Variants in AADAT observed in about 807,000 individuals in gnomAD.
The protein encoded by AADAT is aminoadipate aminotransferase, also known as kynurenine/alpha-aminoadipate aminotransferase, mitochondrial.
AADAT carries 25 observed loss-of-function variants against 56.2 expected under a neutral mutation model. The observed-to-expected ratio is 0.44, with a 90% confidence interval of 0.32 to 0.62. The LOEUF (loss-of-function observed/expected upper bound fraction) is 0.62. AADAT is among the 20% of genes least tolerant of loss of function. The pLI is 0.04. For missense variants in AADAT, 387 were observed against 510.5 expected (o/e 0.76, Z 2.33); for synonymous variants, 173 against 164.7 (o/e 1.05, Z -0.39).
intron 4 of AADAT, 141 bp downstream of exon 4, chr4:170,078,368 A>C: frequency 6.3e-6 from 3 of 474,990 alleles, no homozygotes; most frequent in East Asian, 3.7e-5. Context: ...AAAATATGCT[A>C]TTTCATTTTT....
intron 1 of AADAT, 69 bp downstream of exon 1, chr4:170,089,555 G>A (rs1732733487): frequency 6.3e-7 from 1 of 1,586,956 alleles, no homozygotes; most frequent in Admixed American, 1.7e-5. Context: ...GGCTTGCTAG[G>A]GAACCCTCCT....
rs1732600505 is a variant in AADAT, at chr4:170,087,120, C to T, written c.365G>A (p.Cys122Tyr). Residue 122 changes from cysteine to tyrosine, a missense_variant, in exon 3 of 13, where the codon TGT becomes TAT. By Grantham distance (194) the Cys-to-Tyr change is radical. Coordinates refer to ENST00000337664, the MANE Select transcript of AADAT (RefSeq NM_016228.4). The part of the protein sequence containing the change: ...CVTSGSQQGL[C>Y]KVFEMIINPG... ...GAGTTTTCCTTTCAGTCTTACCTTA[C>T]AAAGACCTTGTTGGCTGCCAGATGT... 9.9e-6 allele frequency: 16 copies of T among 1,613,812 alleles called. No homozygotes were observed. Among genetic ancestry groups the T allele is most frequent in the Non-Finnish European group, 1.4e-5 (16 of 1,179,996 alleles).
At chr4:170,068,118 G>A (rs1403084157) in intron 8 of AADAT, among the ~76,000 whole-genome samples, 1 of 137,550 alleles carries the variant, frequency 7.3e-6, no homozygotes, top group Non-Finnish European at 1.5e-5. Flanking sequence ...CAGCCTGGGT[G>A]ACAGGGCAAG....
intron 3 of AADAT, among the ~76,000 whole-genome samples, chr4:170,085,423 G>A (rs755031594): frequency 6.6e-6 from 1 of 152,164 alleles, no homozygotes; most frequent in Non-Finnish European, 1.5e-5. Context: ...AGAAACACAG[G>A]AGTCTAAAAT....
intron 3 of AADAT, among the ~76,000 whole-genome samples, chr4:170,083,880 C>T (rs1732430436): frequency 6.6e-6 from 1 of 152,096 alleles, no homozygotes; most frequent in Non-Finnish European, 1.5e-5. Context: ...AATTCCACTG[C>T]TGAGTATATA....
chr4:170,088,338 C>T (rs1366994333), intron 2 of AADAT, 58 bp downstream of exon 2: 1 of 1,466,994 alleles, frequency 6.8e-7, no homozygotes, highest in Admixed American at 1.9e-5. Context: ...ATCAATGGGC[C>T]TTAGAATATT....
intron 12 of AADAT, among the ~76,000 whole-genome samples, chr4:170,061,664 T>C (rs999814134): frequency 6.6e-6 from 1 of 152,232 alleles, no homozygotes; most frequent in African/African-American, 2.4e-5. Flanking sequence ...TGTGATACAT[T>C]ATTCATGCAG....
chr4:170,079,027 T>C (rs1473635864), intron 3 of AADAT, among the ~76,000 whole-genome samples: 1 of 152,162 alleles, frequency 6.6e-6, no homozygotes, highest in South Asian at 2.1e-4. Context: ...AGAGATAAAA[T>C]AGCAAAATGA....
rs114730792 is a variant in AADAT at position 170,080,739 on chromosome 4, G to A, written c.370-2156C>T. ...ATTATTTACTAAACCTGGACTTAAGGTGCCACCTTGGAAGATGCCAACAAG... is the reference window on the plus strand; with the variant it reads ...ATTATTTACTAAACCTGGACTTAAGATGCCACCTTGGAAGATGCCAACAAG... On this transcript the variant is annotated intron_variant, in intron 3 of 12. Coordinates refer to ENST00000337664, the MANE Select transcript of AADAT (RefSeq NM_016228.4). Among the ~76,000 whole-genome samples, 301 of 152,244 alleles carry A rather than the reference G, an allele frequency of 2.0e-3. 1 individual carries two copies. Among genetic ancestry groups the A allele is most frequent in the African/African-American group, 6.7e-3 (279 of 41,536 alleles).
chr4:170,060,908 C>A lies in AADAT; in HGVS notation c.*20G>T, dbSNP rs747704435. ...GGGATTATAGGTGTGAGCCACCATG[C>A]CCAACCTAGTTTAATTTCTTCATAA... On this transcript the variant is annotated 3_prime_UTR_variant, in exon 13 of 13. Transcript: ENST00000337664. 1.9e-6 allele frequency: 3 copies of A among 1,539,998 alleles called. No homozygotes were observed. Among genetic ancestry groups the A allele is most frequent in the East Asian group, 2.5e-5 (1 of 40,570 alleles).
chr4:170,066,038 G>T (rs375180203), intron 10 of AADAT, among the ~76,000 whole-genome samples: 5 of 152,182 alleles, frequency 3.3e-5, no homozygotes, highest in South Asian at 4.1e-4. Flanking sequence ...TAATTTGTCA[G>T]TAAGACATCT....
chr4:170,090,971 T>G (rs2111225791), upstream of AADAT, among the ~76,000 whole-genome samples: 1 of 152,372 alleles, frequency 6.6e-6, no homozygotes, highest in South Asian at 2.1e-4. Flanking sequence ...ACTGCTTTTA[T>G]CTAGGTCCTG....
upstream of AADAT, among the ~76,000 whole-genome samples, chr4:170,091,413 C>T (rs1476223141): frequency 2.0e-5 from 3 of 152,194 alleles, no homozygotes; most frequent in African/African-American, 7.2e-5. Context: ...CCCAGCAATG[C>T]CGGCTCACCG....
At chr4:170,089,245 C>T (rs1394432013) in intron 1 of AADAT, 5 of 451,052 alleles carry the variant, frequency 1.1e-5, no homozygotes, top group Non-Finnish European at 1.7e-5. Flanking sequence ...TCATGGCCCA[C>T]CCCTCTCCCA....
At chr4:170,087,000 C>T in intron 3 of AADAT, 116 bp downstream of exon 3, 5 of 1,333,556 alleles carry the variant, frequency 3.7e-6, no homozygotes, top group Non-Finnish European at 5.1e-6. Flanking sequence ...TAGGTGAAGA[C>T]AAGAAAGACT....
chr4:170,089,381 C>A (rs1732724819), intron 1 of AADAT: 2 of 593,216 alleles, frequency 3.4e-6, no homozygotes, highest in Non-Finnish European at 3.0e-6. Context: ...CAGCAGTCTG[C>A]GCCTCTCTCT....
intron 4 of AADAT, among the ~76,000 whole-genome samples, chr4:170,075,567 C>T (rs541500520): frequency 6.6e-6 from 1 of 152,188 alleles, no homozygotes; most frequent in Non-Finnish European, 1.5e-5. Context: ...CCTCAGCTGC[C>T]CAAAGTGCTG....
chr4:170,075,525 G>A (rs949685164), intron 4 of AADAT, among the ~76,000 whole-genome samples: 4 of 152,144 alleles, frequency 2.6e-5, no homozygotes, highest in Non-Finnish European at 5.9e-5. Flanking sequence ...CCCAGTATGG[G>A]CTCGAACTCC....
intron 12 of AADAT, among the ~76,000 whole-genome samples, chr4:170,061,184 G>T (rs1409199161): frequency 6.6e-6 from 1 of 152,056 alleles, no homozygotes; most frequent in Non-Finnish European, 1.5e-5. Context: ...GGATTTTGTT[G>T]TTGTTGTTGT....
Sources: gnomAD v4.1 joint callset for allele counts (sites outside exome capture counted in the v4.1 genomes callset) on GRCh38, gnomAD v4.1.1 for gene constraint, MANE v1.5 for transcripts, NCBI Gene and HGNC (gene_info 2026-07-23, HGNC 2026-07-21) for gene names.